Variants in UBE2E2 observed in about 807,000 individuals in gnomAD.
UBE2E2 encodes the protein ubiquitin conjugating enzyme E2 E2.
In UBE2E2, 6 loss-of-function variants were observed where a neutral mutation model predicts 24.7. The observed-to-expected ratio is 0.24, with a 90% CI of 0.13 to 0.48. UBE2E2 has a LOEUF of 0.48. Ranked by LOEUF, UBE2E2 falls within the 20% of genes least tolerant of loss-of-function variation. The pLI is 0.99. For synonymous variants in UBE2E2, 104 were observed against 83.6 expected (o/e 1.24, Z -1.33); for missense variants, 169 against 245.0 (o/e 0.69, Z 2.07).
chr3:23,292,173 T>A (rs1329114742), intron 3 of UBE2E2, among the ~76,000 whole-genome samples: 1 of 152,016 alleles, frequency 6.6e-6, no homozygotes, highest in African/African-American at 2.4e-5. Context: ...GGGATGGGGT[T>A]TTGCCGTGTT....
intron 3 of UBE2E2, among the ~76,000 whole-genome samples, chr3:23,446,359 C>T (rs1167183271): frequency 2.0e-5 from 3 of 152,126 alleles, no homozygotes; most frequent in African/African-American, 7.2e-5. Flanking sequence ...GAAATGTCTG[C>T]TATGTGTATT....
intron 5 of UBE2E2, among the ~76,000 whole-genome samples, chr3:23,545,939 T>G (rs1435426064): frequency 2.6e-5 from 4 of 152,164 alleles, no homozygotes; most frequent in Non-Finnish European, 5.9e-5. Flanking sequence ...AGTTCTCACT[T>G]ATAAAGCTAA....
intron 3 of UBE2E2, among the ~76,000 whole-genome samples, chr3:23,394,903 C>A (rs1254860304): frequency 1.3e-5 from 2 of 152,178 alleles, no homozygotes; most frequent in Non-Finnish European, 2.9e-5. Flanking sequence ...GCTATTGTTA[C>A]ACCAGCCTCT....
intron 3 of UBE2E2, among the ~76,000 whole-genome samples, chr3:23,363,874 A>G (rs1696191594): frequency 6.6e-6 from 1 of 152,118 alleles, no homozygotes. Context: ...ATGTACTCTA[A>G]AATTGACCAC....
intron 5 of UBE2E2, among the ~76,000 whole-genome samples, chr3:23,567,918 C>T (rs1696115193): frequency 6.6e-6 from 1 of 152,180 alleles, no homozygotes; most frequent in Non-Finnish European, 1.5e-5. Flanking sequence ...CAATAAGTTT[C>T]CTCCTTTTTA....
chr3:23,580,482 T>A (rs1192495951), intron 5 of UBE2E2, among the ~76,000 whole-genome samples: 4 of 152,224 alleles, frequency 2.6e-5, no homozygotes, highest in African/African-American at 7.2e-5. Context: ...TGTACTTTTT[T>A]AAGACATAAT....
intron 3 of UBE2E2, among the ~76,000 whole-genome samples, chr3:23,428,653 A>G (rs1170208162): frequency 2.0e-5 from 3 of 152,116 alleles, no homozygotes; most frequent in Non-Finnish European, 4.4e-5. Flanking sequence ...AAAAAAAGAG[A>G]GAGAAGACAC....
In UBE2E2 at chr3:23,589,085, A is replaced by G. The variant is rs1476082746; in HGVS notation, c.509-649A>G. Among the ~76,000 whole-genome samples, 1 of 152,032 alleles carries G rather than the reference A, an allele frequency of 6.6e-6. No homozygotes were observed. Among genetic ancestry groups the G allele is most frequent in the East Asian group, 1.9e-4 (1 of 5,178 alleles). Reference sequence around the variant, plus strand: ...TCCCAGGAGAGCTCATCAAGAGCCCATGAGTCCCCTGCCCACAGCCCACCT... The same window carrying G: ...TCCCAGGAGAGCTCATCAAGAGCCCGTGAGTCCCCTGCCCACAGCCCACCT... On this transcript the variant is annotated intron_variant, in intron 5 of 5. Transcript: ENST00000396703. The surrounding 1 kb of genome is among the most constrained non-coding windows in gnomAD (Gnocchi z 4.1).
At chr3:23,406,675 T>G (rs1559374587) in intron 3 of UBE2E2, among the ~76,000 whole-genome samples, 1 of 152,206 alleles carries the variant, frequency 6.6e-6, no homozygotes, top group African/African-American at 2.4e-5. Flanking sequence ...AGATTATCTT[T>G]GAGGTTATCC....
intron 3 of UBE2E2, among the ~76,000 whole-genome samples, chr3:23,270,530 CCTT>C (rs1026754616): frequency 1.3e-5 from 2 of 152,164 alleles, no homozygotes; most frequent in Admixed American, 6.5e-5. Context: ...GTTCTGTTCT[CCTT>C]CTCCCCAAGT....
At chr3:23,586,907 CTTTT>C (rs11349385) in intron 5 of UBE2E2, among the ~76,000 whole-genome samples, 1 of 147,658 alleles carries the variant, frequency 6.8e-6, no homozygotes. Flanking sequence ...AAATTAATCC[CTTTT>C]TTTTTTTTTA....
At chr3:23,493,194 A>G (rs2125450947) in intron 3 of UBE2E2, among the ~76,000 whole-genome samples, 1 of 152,096 alleles carries the variant, frequency 6.6e-6, no homozygotes, top group East Asian at 1.9e-4. Context: ...ACAGCCAAAA[A>G]CTCTTGGTCT....
chr3:23,386,580 A>G (rs1298174603), intron 3 of UBE2E2, among the ~76,000 whole-genome samples: 1 of 152,248 alleles, frequency 6.6e-6, no homozygotes, highest in Non-Finnish European at 1.5e-5. Context: ...AACCAGAACA[A>G]TTCAGCTATT....
At chr3:23,504,007 GAA>G (rs11354616) in intron 4 of UBE2E2, among the ~76,000 whole-genome samples, 1 of 151,854 alleles carries the variant, frequency 6.6e-6, no homozygotes, top group South Asian at 2.1e-4. Flanking sequence ...AAGCAAAAGG[GAA>G]AAAAATTTGC....
chr3:23,458,815 C>T (rs1261628257), intron 3 of UBE2E2, among the ~76,000 whole-genome samples: 1 of 152,086 alleles, frequency 6.6e-6, no homozygotes, highest in Non-Finnish European at 1.5e-5. Flanking sequence ...GCATGTACTG[C>T]TGGAAAATGG....
At chr3:23,255,278 A>G (rs559901116) in intron 3 of UBE2E2, among the ~76,000 whole-genome samples, 9 of 149,550 alleles carry the variant, frequency 6.0e-5, no homozygotes, top group African/African-American at 2.2e-4. Context: ...TTTTTTGGTA[A>G]CGATAGGGTT....
chr3:23,423,743 T>A (rs1002665469), intron 3 of UBE2E2, among the ~76,000 whole-genome samples: 2 of 152,120 alleles, frequency 1.3e-5, no homozygotes, highest in Admixed American at 1.3e-4. Flanking sequence ...ATGTATGGAG[T>A]CTTTATTATG....
At chr3:23,268,159 CCT>C (rs1172548845) in intron 3 of UBE2E2, among the ~76,000 whole-genome samples, 1 of 149,826 alleles carries the variant, frequency 6.7e-6, no homozygotes, top group Admixed American at 6.7e-5. Flanking sequence ...ACAGGTTTTC[CCT>C]CTCTCACCAC....
chr3:23,417,108 G>T (rs1223378767), intron 3 of UBE2E2, among the ~76,000 whole-genome samples: 1 of 152,146 alleles, frequency 6.6e-6, no homozygotes, highest in Non-Finnish European at 1.5e-5. Context: ...GAGGAGTTGT[G>T]ATCTTTTAGA....
Sources: allele counts gnomAD v4.1 joint callset (sites outside exome capture counted in the v4.1 genomes callset), GRCh38; gene constraint gnomAD v4.1.1; non-coding constraint Gnocchi (gnomAD v3.1); transcripts MANE v1.5; gene names NCBI Gene and HGNC (gene_info 2026-07-23, HGNC 2026-07-21).